Variants in SEMA3A observed in about 807,000 individuals in gnomAD.
SEMA3A encodes the protein semaphorin 3A.
SEMA3A carries 29 observed loss-of-function variants against 97.9 expected under a neutral mutation model. The observed-to-expected ratio is 0.30, with a 90% CI of 0.22 to 0.40. SEMA3A has a LOEUF of 0.40. Among genes scored for constraint, SEMA3A ranks in the 10% least tolerant of loss-of-function variants. The pLI, the probability that SEMA3A is intolerant of heterozygous loss-of-function variation, is 1.00. For missense variants in SEMA3A, 763 were observed against 951.3 expected (o/e 0.80, Z 2.60); for synonymous variants, 321 against 323.7 (o/e 0.99, Z 0.09).
intron 3 of SEMA3A, among the ~76,000 whole-genome samples, chr7:84,206,555 C>T (rs1261221780): frequency 6.6e-6 from 1 of 152,074 alleles, no homozygotes; most frequent in East Asian, 1.9e-4. Flanking sequence ...ATCTCCTGAC[C>T]TCGTGATCCG....
intron 3 of SEMA3A, among the ~76,000 whole-genome samples, chr7:84,126,967 C>G (rs1795818333): frequency 6.6e-6 from 1 of 151,902 alleles, no homozygotes; most frequent in African/African-American, 2.4e-5. Flanking sequence ...CCAGAAGTTT[C>G]AAATTATGCA....
intron 1 of SEMA3A, among the ~76,000 whole-genome samples, chr7:84,482,584 G>A (rs1806474433): frequency 6.6e-6 from 1 of 152,104 alleles, no homozygotes; most frequent in Non-Finnish European, 1.5e-5. Context: ...AATTTACAAG[G>A]TGTTATTTGT....
Position 84,208,850 on chromosome 7 carries a change from T to A in SEMA3A, c.-82-14182A>T, listed in dbSNP as rs1398941090. On this transcript the variant is annotated intron_variant, in intron 3 of 3. Transcript: ENST00000424555. Reference sequence around the variant, plus strand: ...GATTCAGAATACATAAAACTACAGGTTTCTTATTACTGCATTATACATGGA... The same window carrying A: ...GATTCAGAATACATAAAACTACAGGATTCTTATTACTGCATTATACATGGA... 3.3e-5 allele frequency among the ~76,000 whole-genome samples: 5 copies of A among 152,234 alleles called. No homozygotes were observed. The South Asian group carries it at 8.3e-4, about 25-fold the overall frequency.
chr7:84,436,791 C>A (rs984331361), intron 1 of SEMA3A, among the ~76,000 whole-genome samples: 1 of 151,952 alleles, frequency 6.6e-6, no homozygotes, highest in African/African-American at 2.4e-5. Context: ...TGCAAATGTG[C>A]AAAAAGTAAA....
At chr7:84,191,357 T>G (rs1033553619) in intron 1 of SEMA3A, among the ~76,000 whole-genome samples, 1 of 151,730 alleles carries the variant, frequency 6.6e-6, no homozygotes, top group Non-Finnish European at 1.5e-5. Flanking sequence ...AACCTTTGGA[T>G]TCACAGGATC....
At chr7:84,407,939 C>A (rs1804148826) in intron 1 of SEMA3A, among the ~76,000 whole-genome samples, 1 of 152,128 alleles carries the variant, frequency 6.6e-6, no homozygotes, top group Admixed American at 6.5e-5. Context: ...ACCATAAAAA[C>A]CCTAGAAGAA....
intron 3 of SEMA3A, among the ~76,000 whole-genome samples, chr7:84,289,843 A>G (rs1280778033): frequency 2.7e-4 from 41 of 152,148 alleles, no homozygotes; most frequent in Admixed American, 2.7e-3. Flanking sequence ...ACTACTCACA[A>G]TAACCAAAAA....
At chr7:84,282,639 A>G (rs923803796) in intron 3 of SEMA3A, among the ~76,000 whole-genome samples, 1 of 152,126 alleles carries the variant, frequency 6.6e-6, no homozygotes, top group African/African-American at 2.4e-5. Flanking sequence ...ATTTCTGTAT[A>G]GTATCTATTA....
At chr7:84,467,212 T>C (rs548838274) in intron 1 of SEMA3A, among the ~76,000 whole-genome samples, 12 of 152,228 alleles carry the variant, frequency 7.9e-5, no homozygotes, top group African/African-American at 2.9e-4. Context: ...GTAGACTTCA[T>C]AAATGATTAA....
chr7:83,972,153 T>G (rs1788946434), intron 15 of SEMA3A, among the ~76,000 whole-genome samples: 1 of 152,124 alleles, frequency 6.6e-6, no homozygotes, highest in East Asian at 1.9e-4. Flanking sequence ...TTAATTTTAT[T>G]ATTCATAAAT....
At chr7:84,024,170 A>AAT (rs1388636089) in intron 6 of SEMA3A, among the ~76,000 whole-genome samples, 1 of 152,196 alleles carries the variant, frequency 6.6e-6, no homozygotes, top group Non-Finnish European at 1.5e-5. Context: ...ACTTATATAA[A>AAT]AACTGTTCTG....
chr7:84,060,562 T>C lies in SEMA3A; in HGVS notation c.454-4A>G. 1 of 1,550,244 alleles carries C rather than the reference T, an allele frequency of 6.5e-7. No homozygotes were observed. On this transcript the variant is annotated splice_region_variant and splice_polypyrimidine_tract_variant and intron_variant, in intron 4 of 16. Transcript: ENST00000265362. ...TCTCCAGCTTAAAAATATTGTCCTG[T>C]GGATTTAAAAAAGAAAGAGAAAAGG...
At chr7:84,443,166 A>G (rs1349773349) in intron 1 of SEMA3A, among the ~76,000 whole-genome samples, 1 of 152,164 alleles carries the variant, frequency 6.6e-6, no homozygotes, top group Non-Finnish European at 1.5e-5. Context: ...CAACAATAGC[A>G]GCATATACAT....
intron 3 of SEMA3A, among the ~76,000 whole-genome samples, chr7:84,223,523 A>T (rs898838443): frequency 3.9e-5 from 6 of 151,982 alleles, no homozygotes; most frequent in Admixed American, 3.9e-4. Context: ...ATGAGATTGC[A>T]TATAATTACA....
chr7:84,068,917 T>G (rs1374946472), intron 4 of SEMA3A, among the ~76,000 whole-genome samples: 1 of 152,166 alleles, frequency 6.6e-6, no homozygotes, highest in Admixed American at 6.5e-5. Context: ...CTCCTTTTTG[T>G]TCAACCCCGT....
chr7:84,072,694 G>A (rs1396601944), intron 4 of SEMA3A, among the ~76,000 whole-genome samples: 1 of 152,060 alleles, frequency 6.6e-6, no homozygotes, highest in Admixed American at 6.6e-5. Context: ...AGATCTAGTT[G>A]TGAATCTCAA....
chr7:84,211,072 T>C (rs1798612343), intron 3 of SEMA3A, among the ~76,000 whole-genome samples: 1 of 152,196 alleles, frequency 6.6e-6, no homozygotes, highest in African/African-American at 2.4e-5. Flanking sequence ...TTTAATTGCT[T>C]TTATGACAAT....
intron 2 of SEMA3A, among the ~76,000 whole-genome samples, chr7:84,311,625 T>A (rs1327027289): frequency 6.6e-6 from 1 of 151,912 alleles, no homozygotes; most frequent in African/African-American, 2.4e-5. Context: ...AGAACATTGC[T>A]CAGGGAAGGC....
At chr7:84,236,453 T>A (rs1799237916) in intron 3 of SEMA3A, among the ~76,000 whole-genome samples, 1 of 152,180 alleles carries the variant, frequency 6.6e-6, no homozygotes, top group Non-Finnish European at 1.5e-5. Context: ...AAATTCTGAA[T>A]ATGATTGCCT....
Sources: gnomAD v4.1 joint callset for allele counts (sites outside exome capture counted in the v4.1 genomes callset) on GRCh38, gnomAD v4.1.1 for gene constraint, MANE v1.5 for transcripts, NCBI Gene and HGNC (gene_info 2026-07-23, HGNC 2026-07-21) for gene names.